GFRA1: variants seen among roughly 807,000 people sequenced by gnomAD.
GFRA1 encodes the protein GDNF family receptor alpha 1, also known as GDNF family receptor alpha-1.
Under a neutral mutation model 51.6 loss-of-function variants are expected in GFRA1, and 16 were observed. The observed-to-expected ratio is 0.31, with a 90% CI of 0.21 to 0.47. The LOEUF is 0.47. Ranked by LOEUF, GFRA1 falls within the 20% of genes least tolerant of loss-of-function variation. GFRA1 has a pLI of 1.00. For synonymous variants in GFRA1, 270 were observed against 241.3 expected, an observed-to-expected ratio of 1.12 and a Z score of -1.10; for missense variants, 530 against 594.3, an observed-to-expected ratio of 0.89 and a Z score of 1.13.
chr10:116,187,867 G>A (rs952091909), intron 5 of GFRA1, among the ~76,000 whole-genome samples: 1 of 152,072 alleles, frequency 6.6e-6, no homozygotes. Flanking sequence ...GAGGCCCCCA[G>A]AGCAGAGCCC....
chr10:116,138,635 A>ACC (rs368825109), intron 5 of GFRA1, among the ~76,000 whole-genome samples: 24 of 120,246 alleles, frequency 2.0e-4, no homozygotes, highest in African/African-American at 5.9e-4. Context: ...GATGGTAGGA[A>ACC]CCCCCCCCCG....
chr10:116,088,163 G>C (rs1956174674), intron 9 of GFRA1, among the ~76,000 whole-genome samples: 1 of 152,096 alleles, frequency 6.6e-6, no homozygotes. Context: ...AAGATGAAGA[G>C]GGGTCTCGAG....
chr10:116,087,075 C>G (rs1232323278), intron 9 of GFRA1, among the ~76,000 whole-genome samples: 3 of 152,204 alleles, frequency 2.0e-5, no homozygotes, highest in African/African-American at 7.2e-5. Context: ...GTTTAGGAAG[C>G]AGAGTTCCTA....
Position 116,130,322 on chromosome 10 carries a change from T to C in GFRA1, c.434-4765A>G, listed in dbSNP as rs533295051. Among the ~76,000 whole-genome samples, 4 of 152,168 alleles carry C rather than the reference T, an allele frequency of 2.6e-5. No individual in the cohort carries two copies. The South Asian group carries it at 8.3e-4, about 32-fold the overall frequency. ...TAATATTATTACAACAAAGAAGGTA[T>C]ATACTAGGCCAATTTTTTAAACTCA... On this transcript the variant is annotated intron_variant, in intron 5 of 10. Coordinates refer to ENST00000355422, the MANE Select transcript of GFRA1 (RefSeq NM_005264.8).
At chr10:116,174,543 A>T (rs1241809771) in intron 5 of GFRA1, among the ~76,000 whole-genome samples, 1 of 152,246 alleles carries the variant, frequency 6.6e-6, no homozygotes, top group Non-Finnish European at 1.5e-5. Context: ...GACCTAAAAC[A>T]GATTTGATTC....
chr10:116,144,735 G>C (rs1958720853), intron 5 of GFRA1, among the ~76,000 whole-genome samples: 1 of 152,052 alleles, frequency 6.6e-6, no homozygotes, highest in Non-Finnish European at 1.5e-5. Flanking sequence ...AAAACAAAAT[G>C]TTAAAACTTT....
rs1954819605 is a variant in GFRA1, at chr10:116,061,566, A to G, written c.*2832T>C. On this transcript the variant is annotated 3_prime_UTR_variant, in exon 11 of 11. Coordinates refer to ENST00000355422, the MANE Select transcript of GFRA1 (RefSeq NM_005264.8). Reference sequence around the variant, plus strand: ...TATTCCCCCTCTCTTTCTCTCTGAAATAAGTAGGGCATGGCTAGATGTAAT... The same window carrying G: ...TATTCCCCCTCTCTTTCTCTCTGAAGTAAGTAGGGCATGGCTAGATGTAAT... The G allele has an allele frequency of 6.3e-6, 1 of 157,632 alleles. No individual in the cohort carries two copies. The highest frequency in any genetic ancestry group is 1.4e-5 in the Non-Finnish European group (1 of 71,842). 9.8% of individuals were successfully genotyped at this position (157,632 alleles called of 1,614,324 possible).
rs1291742368 is a variant in GFRA1 at position 116,066,290 on chromosome 10, ATCACATAGAATCCGGGG to A, written c.1198-681_1198-665del. ...AACCACTCACTAGTCACTGTTTAGGATCACATAGAATCCGGGGCTAAGGCACAGGACAGGGACCCTTT... is the reference window on the plus strand; with the variant it reads ...AACCACTCACTAGTCACTGTTTAGGACTAAGGCACAGGACAGGGACCCTTT... On this transcript the variant is annotated intron_variant, in intron 9 of 10. Coordinates refer to ENST00000355422, the MANE Select transcript of GFRA1 (RefSeq NM_005264.8). Among the ~76,000 whole-genome samples, 6 of 152,288 alleles carry A rather than the reference ATCACATAGAATCCGGGG, an allele frequency of 3.9e-5. No homozygotes were observed. In the East Asian group the frequency reaches 1.2e-3, roughly 29 times the overall value.
chr10:116,075,109 G>A (rs1955558439), intron 9 of GFRA1, among the ~76,000 whole-genome samples: 2 of 152,124 alleles, frequency 1.3e-5, no homozygotes, highest in African/African-American at 2.4e-5. Flanking sequence ...ACTGCCCTCT[G>A]GACCACAGGT....
chr10:116,200,896 G>A (rs1964279894), intron 5 of GFRA1, among the ~76,000 whole-genome samples: 1 of 152,210 alleles, frequency 6.6e-6, no homozygotes, highest in African/African-American at 2.4e-5. Flanking sequence ...GCGAGTTAAT[G>A]TATGTGGAAC....
At chr10:116,162,578 C>T (rs904812986) in intron 5 of GFRA1, among the ~76,000 whole-genome samples, 3 of 152,108 alleles carry the variant, frequency 2.0e-5, no homozygotes, top group East Asian at 1.9e-4. Context: ...CACAGGGACG[C>T]GTGTGCACAT....
intron 7 of GFRA1, among the ~76,000 whole-genome samples, chr10:116,094,294 A>G (rs1363537106): frequency 1.3e-5 from 2 of 152,222 alleles, no homozygotes; most frequent in African/African-American, 4.8e-5. Context: ...GGAAGCTAGA[A>G]GCTTCCTAGC....
intron 6 of GFRA1, among the ~76,000 whole-genome samples, chr10:116,099,965 C>A (rs895818552): frequency 6.6e-6 from 1 of 152,098 alleles, no homozygotes; most frequent in Non-Finnish European, 1.5e-5. Context: ...GAAACCAAGG[C>A]TTAGTGAGGT....
At chr10:116,207,119 T>C (rs1291313208) in intron 5 of GFRA1, among the ~76,000 whole-genome samples, 1 of 28,248 alleles carries the variant, frequency 3.5e-5, no homozygotes, top group Non-Finnish European at 6.2e-5. Flanking sequence ...TTTTCTCATC[T>C]GTAAAATGTA....
chr10:116,183,309 C>T (rs1049260152), intron 5 of GFRA1, among the ~76,000 whole-genome samples: 7 of 152,174 alleles, frequency 4.6e-5, no homozygotes, highest in Non-Finnish European at 5.9e-5. Context: ...GGGAGCTTAC[C>T]GCAATGGGTC....
At chr10:116,211,267 A>G (rs938941677) in intron 5 of GFRA1, among the ~76,000 whole-genome samples, 1 of 152,210 alleles carries the variant, frequency 6.6e-6, no homozygotes, top group Non-Finnish European at 1.5e-5. Context: ...AGCCGGATGC[A>G]GGAGCCCCAA....
chr10:116,072,964 T>C lies in GFRA1; in HGVS notation c.1198-7338A>G, dbSNP rs144695684. Among the ~76,000 whole-genome samples, 964 of 152,276 alleles carry C rather than the reference T, an allele frequency of 6.3e-3. 9 individuals are homozygous for C. The highest frequency in any genetic ancestry group is 0.022 in the African/African-American group (904 of 41,552). ...GGACAATCTCTTAGCCTCTCTGTGG[T>C]TGATGGTCATTCTTTGATCGAGGCA... On this transcript the variant is annotated intron_variant, in intron 9 of 10. Coordinates refer to ENST00000355422, the MANE Select transcript of GFRA1 (RefSeq NM_005264.8).
chr10:116,234,574 T>G (rs919694305), intron 4 of GFRA1, among the ~76,000 whole-genome samples: 1 of 152,240 alleles, frequency 6.6e-6, no homozygotes, highest in African/African-American at 2.4e-5. Context: ...TCCGTGGCCT[T>G]GGGCAGCACA....
At chr10:116,160,189 G>T (rs151239728) in intron 5 of GFRA1, among the ~76,000 whole-genome samples, 218 of 152,266 alleles carry the variant, frequency 1.4e-3, no homozygotes, top group African/African-American at 5.1e-3. Flanking sequence ...CAAATAATGT[G>T]GCAGGAAACA....
Sources: gnomAD v4.1 joint callset for allele counts (sites outside exome capture counted in the v4.1 genomes callset) on GRCh38, gnomAD v4.1.1 for gene constraint, MANE v1.5 for transcripts, NCBI Gene and HGNC (gene_info 2026-07-23, HGNC 2026-07-21) for gene names.